SPTAN1: variants seen among roughly 807,000 people sequenced by gnomAD.
SPTAN1 encodes spectrin alpha, non-erythrocytic 1.
SPTAN1 carries 61 observed loss-of-function variants against 331.3 expected under a neutral mutation model. That is an observed-to-expected ratio of 0.18 (90% CI 0.15 to 0.23). SPTAN1 has a LOEUF of 0.23. Ranked by LOEUF, SPTAN1 falls within the 10% of genes least tolerant of loss-of-function variation. The pLI, the probability that SPTAN1 is intolerant of heterozygous loss-of-function variation, is 1.00. For synonymous variants in SPTAN1, 1,153 were observed against 1,173.9 expected, an observed-to-expected ratio of 0.98 and a Z score of 0.36; for missense variants, 2,043 against 3,147.9, an observed-to-expected ratio of 0.65 and a Z score of 8.40.
rs1415995480 is a variant in SPTAN1 at position 128,617,814 on chromosome 9, G to A, written c.5478+54G>A. The A allele has an allele frequency of 1.9e-6, 3 of 1,612,326 alleles. No homozygotes were observed. The African/African-American group carries it at 4.0e-5, about 22-fold the overall frequency. ...GCAGAGGTGTTTGAGTGGGCCCCAG[G>A]GGACAGACAAACCCCTTGCGCTTAT... On this transcript the variant is annotated intron_variant, in intron 42 of 56. Transcript: ENST00000372739.
chr9:128,622,792 G>A (rs1304990188), intron 45 of SPTAN1, among the ~76,000 whole-genome samples: 1 of 151,482 alleles, frequency 6.6e-6, no homozygotes, highest in African/African-American at 2.4e-5. Context: ...TCACTCTGTG[G>A]CCCAGGCTGG....
chr9:128,615,865 G>C, intron 41 of SPTAN1, 25 bp downstream of exon 41: 1 of 1,612,514 alleles, frequency 6.2e-7, no homozygotes, highest in South Asian at 1.1e-5. Flanking sequence ...CCCTCTAGAA[G>C]GCCCCTTACG....
At chr9:128,562,854 A>G (rs1849534637) in intron 1 of SPTAN1, among the ~76,000 whole-genome samples, 1 of 151,438 alleles carries the variant, frequency 6.6e-6, no homozygotes, top group African/African-American at 2.4e-5. Flanking sequence ...GGTCCCAGCT[A>G]CTCAGGAGGC....
intron 24 of SPTAN1, 116 bp from the exon 25 acceptor site, chr9:128,598,284 T>G: frequency 1.3e-6 from 1 of 754,370 alleles, no homozygotes; most frequent in Non-Finnish European, 2.2e-6. Flanking sequence ...CTTTTTTTTT[T>G]TTGGTAGGCC....
intron 3 of SPTAN1, among the ~76,000 whole-genome samples, chr9:128,574,434 G>T (rs761893162): frequency 7.2e-5 from 11 of 151,780 alleles, no homozygotes; most frequent in Non-Finnish European, 1.6e-4. Flanking sequence ...ATCTACCTGT[G>T]AAAGAACTAG....
chr9:128,561,015 CAAAAAAAAA>C (rs10648319), intron 1 of SPTAN1, among the ~76,000 whole-genome samples: 6 of 60,326 alleles, frequency 9.9e-5, no homozygotes, highest in Admixed American at 2.5e-4. Flanking sequence ...GACCCCATCT[CAAAAAAAAA>C]AAAAAAAAAA....
At position 128,579,717 on chromosome 9, in the gene SPTAN1, C is replaced by G. The variant is rs1851713800; in HGVS notation, c.1302C>G (p.Ala434=). 6.2e-7 allele frequency: 1 copy of G among 1,614,006 alleles called. No individual in the cohort carries two copies. Among genetic ancestry groups the G allele is most frequent in the African/African-American group, 1.3e-5 (1 of 75,002 alleles). The part of the protein sequence containing the change: ...GQALLAAGHY[A]SDEVREKLTV... ...CACTGCTTGCTGCTGGTCACTATGC[C>G]TCAGATGAAGTGAGGGAGAAGGTAA... Residue 434 remains alanine (A), a synonymous_variant, in exon 10 of 57, where the codon GCC becomes GCG. Coordinates refer to ENST00000372739, the MANE Select transcript of SPTAN1 (RefSeq NM_001130438.3).
intron 1 of SPTAN1, among the ~76,000 whole-genome samples, chr9:128,555,620 C>CTT (rs751209866): frequency 4.0e-5 from 2 of 49,432 alleles, no homozygotes; most frequent in African/African-American, 4.4e-5. Flanking sequence ...TTTGCAAAGC[C>CTT]TTTTTTTTTT....
chr9:128,624,961 C>G, intron 46 of SPTAN1, 142 bp from the exon 47 acceptor site: 1 of 793,642 alleles, frequency 1.3e-6, no homozygotes, highest in South Asian at 1.5e-5. Context: ...GAGGGGCCTG[C>G]TAATGTGGGT....
intron 3 of SPTAN1, among the ~76,000 whole-genome samples, chr9:128,574,404 C>T (rs1851070702): frequency 6.6e-6 from 1 of 150,570 alleles, no homozygotes; most frequent in South Asian, 2.1e-4. Context: ...TAATGATTTT[C>T]CTGATGTAAA....
Position 128,584,890 on chromosome 9 carries a change from C to T in SPTAN1, c.2560+47C>T, listed in dbSNP as rs4837284. 0.85 allele frequency: 1,366,872 copies of T among 1,613,284 alleles called. 592,391 individuals carry two copies. The highest frequency in any genetic ancestry group is 0.9 in the Non-Finnish European group (1,061,091 of 1,179,584). On this transcript the variant is annotated intron_variant, in intron 18 of 56. Coordinates refer to ENST00000372739, the MANE Select transcript of SPTAN1 (RefSeq NM_001130438.3). ...CATGGCTTGGTGCTGCTCCTCGTGT[C>T]TCCCCTTCTTGCCGAGGGCATGGCC...
intron 41 of SPTAN1, among the ~76,000 whole-genome samples, chr9:128,617,415 C>T (rs536793039): frequency 6.6e-6 from 1 of 152,228 alleles, no homozygotes; most frequent in Non-Finnish European, 1.5e-5. Flanking sequence ...CATCCCCAAC[C>T]CTCCAGAATC....
At chr9:128,565,227 C>G (rs1438526630) in intron 1 of SPTAN1, among the ~76,000 whole-genome samples, 2 of 152,142 alleles carry the variant, frequency 1.3e-5, no homozygotes, top group Admixed American at 1.3e-4. Context: ...CACTTGAACC[C>G]TGAAGGCAGA....
rs114711747 is a variant in SPTAN1 at position 128,580,579 on chromosome 9, G to A, written c.1324-343G>A. 5.6e-3 allele frequency among the ~76,000 whole-genome samples: 852 copies of A among 152,114 alleles called. 11 individuals are homozygous for A. The highest frequency in any genetic ancestry group is 0.02 in the African/African-American group (824 of 41,484). On this transcript the variant is annotated intron_variant, in intron 10 of 56. Coordinates refer to ENST00000372739, the MANE Select transcript of SPTAN1 (RefSeq NM_001130438.3). ...GCACCCACTCAGTTGACATTTCTTA[G>A]TGGAGAGTCCCTACTCCATTTATAC...
At position 128,577,012 on chromosome 9, in the gene SPTAN1, A is replaced by G; in HGVS notation, c.785+56A>G. 1 of 1,613,972 alleles carries G rather than the reference A, an allele frequency of 6.2e-7. No individual in the cohort carries two copies. The highest frequency in any genetic ancestry group is 8.5e-7 in the Non-Finnish European group (1 of 1,180,032). Reference sequence around the variant, plus strand: ...GGTCTCAACCTGGAGGGGAGTTGTGAAGCACAGGGCATGTGCTGGTGAGCT... The same window carrying G: ...GGTCTCAACCTGGAGGGGAGTTGTGGAGCACAGGGCATGTGCTGGTGAGCT... On this transcript the variant is annotated intron_variant, in intron 6 of 56. Transcript: ENST00000372739. This position sits in a 1 kb window ranked among gnomAD's most constrained non-coding sequence, Gnocchi z 4.2.
chr9:128,576,092 C>T (rs1352777121), intron 5 of SPTAN1, among the ~76,000 whole-genome samples: 1 of 152,180 alleles, frequency 6.6e-6, no homozygotes, highest in Non-Finnish European at 1.5e-5. Flanking sequence ...TTTCCAAACC[C>T]TAAGCTTTCC....
chr9:128,558,873 A>G (rs951292854), intron 1 of SPTAN1, among the ~76,000 whole-genome samples: 3 of 152,164 alleles, frequency 2.0e-5, no homozygotes, highest in Non-Finnish European at 4.4e-5. Context: ...TCTTAATGAT[A>G]TTTATGAGAA....
chr9:128,627,828 T>A lies in SPTAN1; in HGVS notation c.6690-97T>A. On this transcript the variant is annotated intron_variant, in intron 50 of 56. Coordinates refer to ENST00000372739, the MANE Select transcript of SPTAN1 (RefSeq NM_001130438.3). The surrounding 1 kb of genome is among the most constrained non-coding windows in gnomAD (Gnocchi z 4.9). ...TGGGTACTGATGTTCTTGCTTTTGTTTTCCTTTCTTTCTTGTGTCTTCTCT... is the reference window on the plus strand; with the variant it reads ...TGGGTACTGATGTTCTTGCTTTTGTATTCCTTTCTTTCTTGTGTCTTCTCT... The A allele has an allele frequency of 6.8e-7, 1 of 1,479,844 alleles. No individual in the cohort carries two copies. Among genetic ancestry groups the A allele is most frequent in the South Asian group, 1.1e-5 (1 of 88,402 alleles). 91.7% of individuals were successfully genotyped at this position (1,479,844 alleles called of 1,614,324 possible). A position where few individuals can be genotyped will look rare whatever the true frequency, so the allele number is the denominator to read the frequency against.
chr9:128,588,306 TG>T (rs1312650048), intron 20 of SPTAN1, among the ~76,000 whole-genome samples: 1 of 93,922 alleles, frequency 1.1e-5, no homozygotes, highest in Non-Finnish European at 2.0e-5. Flanking sequence ...TACTTTAAAA[TG>T]AGATTTTTTT....
Sources: gnomAD v4.1 joint callset for allele counts (sites outside exome capture counted in the v4.1 genomes callset) on GRCh38, gnomAD v4.1.1 for gene constraint, Gnocchi (gnomAD v3.1) non-coding constraint, MANE v1.5 for transcripts, NCBI Gene and HGNC (gene_info 2026-07-23, HGNC 2026-07-21) for gene names.